Variants in TSGA10 observed in about 807,000 individuals in gnomAD.
TSGA10 encodes testis-specific gene 10 protein.
A neutral mutation model predicts 96.6 loss-of-function variants in TSGA10; 43 were observed. The ratio of observed to expected loss-of-function variants is 0.44; its 90% CI spans 0.35 to 0.57. The LOEUF (loss-of-function observed/expected upper bound fraction) is 0.57, where lower values mean the gene tolerates loss of function less well. Ranked by LOEUF, TSGA10 falls within the 20% of genes least tolerant of loss-of-function variation. The pLI is 0.01. For missense variants in TSGA10, 703 were observed against 834.4 expected, an observed-to-expected ratio of 0.84 and a Z score of 1.94; for synonymous variants, 229 against 269.9, an observed-to-expected ratio of 0.85 and a Z score of 1.48.
Position 99,018,340 on chromosome 2 carries a change from G to A in TSGA10, c.1932C>T (p.Ala644=), listed in dbSNP as rs748720493. Residue 644 remains alanine, a synonymous_variant, in exon 20 of 21, where the codon GCC becomes GCT. Transcript: ENST00000393483. The stretch of plus-strand genomic sequence containing the variant: ...AATTTTGGCGGCGAAGTTCTTGTAC[G>A]GCCCTCTCCCTAAAGCAAAATAGTG... ...LGTERFERER[A]VQELRRQNYS... 1.5e-5 allele frequency: 25 copies of A among 1,613,748 alleles called. No homozygotes were observed. The highest frequency in any genetic ancestry group is 2.2e-5 in the East Asian group (1 of 44,880).
chr2:99,081,869 T>G (rs146494780), intron 10 of TSGA10, among the ~76,000 whole-genome samples: 1,633 of 110,174 alleles, frequency 0.015, 9 homozygotes, highest in Middle Eastern at 0.036. Flanking sequence ...CAATTGCTGC[T>G]AGGCTCAGGA....
intron 12 of TSGA10, among the ~76,000 whole-genome samples, chr2:99,075,247 A>T (rs1158965603): frequency 1.3e-5 from 2 of 152,190 alleles, no homozygotes; most frequent in East Asian, 1.9e-4. Context: ...ACAATTTTTT[A>T]AAATAATATT....
chr2:99,061,860 G>A (rs1444101659), intron 16 of TSGA10, among the ~76,000 whole-genome samples: 2 of 152,164 alleles, frequency 1.3e-5, no homozygotes, highest in African/African-American at 2.4e-5. Context: ...TATAAGGATA[G>A]GATCCTAATC....
At chr2:99,107,922 T>C (rs1574422745) in intron 7 of TSGA10, among the ~76,000 whole-genome samples, 1 of 152,296 alleles carries the variant, frequency 6.6e-6, no homozygotes, top group East Asian at 1.9e-4. Context: ...CACTGACACA[T>C]ACCCTCTATT....
At chr2:99,003,596 C>A (rs552140520) in intron 20 of TSGA10, among the ~76,000 whole-genome samples, 1 of 152,192 alleles carries the variant, frequency 6.6e-6, no homozygotes, top group Non-Finnish European at 1.5e-5. Context: ...TTATAACAAA[C>A]TGTCTCTCTG....
intron 10 of TSGA10, among the ~76,000 whole-genome samples, chr2:99,100,972 G>C (rs767072108): frequency 8.4e-6 from 1 of 118,378 alleles, no homozygotes; most frequent in East Asian, 2.6e-4. Flanking sequence ...AAAAAAAAAA[G>C]CATAAATTAG....
At chr2:99,044,322 G>A (rs1292527518) in intron 16 of TSGA10, among the ~76,000 whole-genome samples, 4 of 144,246 alleles carry the variant, frequency 2.8e-5, no homozygotes, top group African/African-American at 1.1e-4. Context: ...ATAAAGGGAT[G>A]GAGGAATATT....
chr2:99,084,094 A>C (rs924325763), intron 10 of TSGA10, among the ~76,000 whole-genome samples: 3 of 152,252 alleles, frequency 2.0e-5, no homozygotes, highest in Admixed American at 2.0e-4. Flanking sequence ...TAAAGCAGCA[A>C]AACAAAAAAA....
At chr2:99,113,900 GCCACT>G (rs1239802067) in intron 4 of TSGA10, among the ~76,000 whole-genome samples, 2 of 152,090 alleles carry the variant, frequency 1.3e-5, no homozygotes, top group Admixed American at 1.3e-4. Flanking sequence ...ACCCAGCTAA[GCCACT>G]CTTGAATTCC....
intron 10 of TSGA10, among the ~76,000 whole-genome samples, chr2:99,082,650 C>T (rs185953304): frequency 3.9e-5 from 6 of 152,252 alleles, no homozygotes; most frequent in Admixed American, 2.6e-4. Context: ...AAGCACAGAA[C>T]TAACCCCAGA....
intron 10 of TSGA10, among the ~76,000 whole-genome samples, chr2:99,099,239 G>A (rs2090432195): frequency 6.6e-6 from 1 of 152,236 alleles, no homozygotes; most frequent in Non-Finnish European, 1.5e-5. Context: ...TTGATCCTGG[G>A]AGGCGGAGGT....
intron 1 of TSGA10, among the ~76,000 whole-genome samples, chr2:99,130,495 G>A (rs1422247958): frequency 6.6e-6 from 1 of 151,838 alleles, no homozygotes; most frequent in African/African-American, 2.4e-5. Context: ...TTGTAAATTT[G>A]TTTAAGTTCC....
intron 2 of TSGA10, among the ~76,000 whole-genome samples, chr2:99,121,912 T>C (rs998154936): frequency 6.6e-6 from 1 of 152,242 alleles, no homozygotes; most frequent in African/African-American, 2.4e-5. Context: ...CATAGTTTTA[T>C]GTTTTACATT....
chr2:99,072,203 CTTAAAAA>C (rs1485252655), intron 13 of TSGA10, among the ~76,000 whole-genome samples: 1 of 152,174 alleles, frequency 6.6e-6, no homozygotes, highest in Non-Finnish European at 1.5e-5. Context: ...CCTCTGCCCA[CTTAAAAA>C]TTAATGCTTT....
At chr2:99,020,698 T>C (rs2079914677) in intron 17 of TSGA10, among the ~76,000 whole-genome samples, 1 of 152,122 alleles carries the variant, frequency 6.6e-6, no homozygotes, top group African/African-American at 2.4e-5. Flanking sequence ...AGAAAATTCA[T>C]TAATTTAAGA....
intron 20 of TSGA10, among the ~76,000 whole-genome samples, chr2:99,006,591 T>C (rs1159326676): frequency 4.6e-5 from 7 of 152,024 alleles, no homozygotes; most frequent in Admixed American, 3.3e-4. Context: ...AAAACCACAA[T>C]GAGATACCAT....
At chr2:99,032,857 C>T (rs1223983278) in intron 17 of TSGA10, among the ~76,000 whole-genome samples, 2 of 152,188 alleles carry the variant, frequency 1.3e-5, no homozygotes, top group Non-Finnish European at 2.9e-5. Flanking sequence ...ATTAATGAGT[C>T]ACCGTGGTAT....
At chr2:99,120,026 G>A (rs1055853399) in intron 2 of TSGA10, among the ~76,000 whole-genome samples, 4 of 151,978 alleles carry the variant, frequency 2.6e-5, no homozygotes, top group African/African-American at 9.7e-5. Context: ...CAGTATGTGT[G>A]CCCATAAAGC....
At chr2:99,074,908 A>C (rs952618922) in intron 12 of TSGA10, among the ~76,000 whole-genome samples, 1 of 151,758 alleles carries the variant, frequency 6.6e-6, no homozygotes, top group Non-Finnish European at 1.5e-5. Context: ...CAGTGGGCTG[A>C]GATTGTGTCA....
Sources: allele counts gnomAD v4.1 joint callset (sites outside exome capture counted in the v4.1 genomes callset), GRCh38; gene constraint gnomAD v4.1.1; transcripts MANE v1.5; gene names NCBI Gene and HGNC (gene_info 2026-07-23, HGNC 2026-07-21).